Variants in PPP2R3C observed in about 807,000 individuals in gnomAD.
The protein encoded by PPP2R3C is protein phosphatase 2 regulatory subunit B''gamma.
A neutral mutation model predicts 63.7 loss-of-function variants in PPP2R3C; 47 were observed. That is an observed-to-expected ratio of 0.74 (90% CI 0.58 to 0.94). PPP2R3C has a LOEUF of 0.94. PPP2R3C is among the 40% of genes least tolerant of loss of function. The probability of loss-of-function intolerance (pLI) is 0.00; values close to 1 mark genes in which losing one functional copy is unlikely to be tolerated. For missense variants in PPP2R3C, 421 were observed against 518.4 expected, an observed-to-expected ratio of 0.81 and a Z score of 1.82; for synonymous variants, 180 against 177.4, an observed-to-expected ratio of 1.01 and a Z score of -0.12.
intron 12 of PPP2R3C, chr14:35,087,744 CAT>C: frequency 1.9e-6 from 1 of 527,040 alleles, no homozygotes; most frequent in Middle Eastern, 5.2e-4. Flanking sequence ...CCAATGAAAA[CAT>C]AATGATGACA....
At chr14:35,096,986 G>A (rs2046020199) in intron 7 of PPP2R3C, among the ~76,000 whole-genome samples, 1 of 152,190 alleles carries the variant, frequency 6.6e-6, no homozygotes, top group Admixed American at 6.5e-5. Context: ...AGCTGAGGCA[G>A]GTGGATCACC....
intron 6 of PPP2R3C, 53 bp downstream of exon 6, chr14:35,107,251 T>C: frequency 7.3e-7 from 1 of 1,361,624 alleles, no homozygotes; most frequent in Non-Finnish European, 1.0e-6. Context: ...AACTACAGTT[T>C]ACATTTTAGT....
intron 7 of PPP2R3C, among the ~76,000 whole-genome samples, chr14:35,098,342 GC>G (rs2046068956): frequency 1.6e-5 from 2 of 124,650 alleles, no homozygotes; most frequent in Admixed American, 1.8e-4. Context: ...ACTACGCCTG[GC>G]TAGTTTTTTT....
chr14:35,121,274 G>A (rs917458846), intron 1 of PPP2R3C, among the ~76,000 whole-genome samples: 4 of 152,102 alleles, frequency 2.6e-5, no homozygotes, highest in Non-Finnish European at 5.9e-5. Context: ...CTACTCCAGA[G>A]GCTGAGGCAG....
intron 1 of PPP2R3C, among the ~76,000 whole-genome samples, chr14:35,120,675 G>A (rs1346899640): frequency 6.6e-6 from 1 of 152,112 alleles, no homozygotes; most frequent in Admixed American, 6.6e-5. Context: ...GCCTGGGTGC[G>A]GCGGCTCACG....
At chr14:35,085,877 G>A in intron 12 of PPP2R3C, 99 bp from the exon 13 acceptor site, 1 of 961,850 alleles carries the variant, frequency 1.0e-6, no homozygotes, top group Non-Finnish European at 1.5e-6. Context: ...CTGAAGTACA[G>A]AGGAATAAAA....
chr14:35,116,653 T>C lies in PPP2R3C; in HGVS notation c.143A>G (p.Asn48Ser). The change falls in exon 2 of 13, where the codon AAC becomes AGC. Residue 48 changes from asparagine to serine, a missense_variant. Physicochemically the swap from Asn to Ser is conservative, Grantham distance 46. Transcript: ENST00000261475. ...YYSEWKGGRK[N>S]TNEFYKTIPR... Reference sequence around the variant, plus strand: ...AATGGTCTTATAGAATTCATTTGTGTTTTTTCTACCTCCTTTCCATTCGGA... The same window carrying C: ...AATGGTCTTATAGAATTCATTTGTGCTTTTTCTACCTCCTTTCCATTCGGA... 1 of 1,603,034 alleles carries C rather than the reference T, an allele frequency of 6.2e-7. No homozygotes were observed. The highest frequency in any genetic ancestry group is 1.1e-5 in the South Asian group (1 of 90,096).
At chr14:35,096,238 G>A (rs1271656891) in intron 9 of PPP2R3C, among the ~76,000 whole-genome samples, 1 of 151,706 alleles carries the variant, frequency 6.6e-6, no homozygotes, top group Non-Finnish European at 1.5e-5. Context: ...GGGGTGGTGG[G>A]GTGGGTGGGG....
chr14:35,092,759 G>A (rs2045864800), intron 10 of PPP2R3C, among the ~76,000 whole-genome samples: 1 of 152,124 alleles, frequency 6.6e-6, no homozygotes, highest in Non-Finnish European at 1.5e-5. Flanking sequence ...GAGCCACCGT[G>A]CCCAGTCTCA....
At chr14:35,096,677 G>C in intron 8 of PPP2R3C, 32 bp downstream of exon 8, 1 of 1,609,134 alleles carries the variant, frequency 6.2e-7, no homozygotes, top group Non-Finnish European at 8.5e-7. Context: ...CAACTGTCAA[G>C]TGATACAATT....
At chr14:35,105,779 G>A (rs971872922) in intron 6 of PPP2R3C, among the ~76,000 whole-genome samples, 3 of 152,026 alleles carry the variant, frequency 2.0e-5, no homozygotes, top group Non-Finnish European at 4.4e-5. Flanking sequence ...TCTATTGAGC[G>A]CAGAGTATAC....
intron 1 of PPP2R3C, among the ~76,000 whole-genome samples, chr14:35,119,391 T>C (rs534262430): frequency 9.2e-5 from 14 of 152,084 alleles, no homozygotes; most frequent in African/African-American, 3.4e-4. Context: ...GGCTGCAGTA[T>C]AGTGTCATGA....
chr14:35,121,842 C>G (rs907635236), intron 1 of PPP2R3C, 60 bp downstream of exon 1: 2 of 1,582,462 alleles, frequency 1.3e-6, no homozygotes, highest in Non-Finnish European at 1.7e-6. Context: ...CCCACCTCCC[C>G]CCTACCTCTA....
chr14:35,121,250 G>A (rs2046877644), intron 1 of PPP2R3C, among the ~76,000 whole-genome samples: 1 of 152,056 alleles, frequency 6.6e-6, no homozygotes, highest in South Asian at 2.1e-4. Flanking sequence ...GGTTGCGCGC[G>A]CTTATAGTTC....
upstream of PPP2R3C, chr14:35,122,021 C>T (rs983701915): frequency 6.3e-7 from 1 of 1,588,968 alleles, no homozygotes. Context: ...CCCCTACCAG[C>T]TCAGGCGTCA....
rs1205739636 is a variant in PPP2R3C at position 35,116,629 on chromosome 14, A to G, written c.167T>C (p.Ile56Thr). Residue 56 changes from isoleucine to threonine, a missense_variant, in exon 2 of 13, where the codon ATT becomes ACT. By Grantham distance (89) the Ile-to-Thr change is moderately conservative (BLOSUM62 -1). Transcript: ENST00000261475. Reference protein sequence around the residue: ...RKNTNEFYKTIPRFYYRLPAE... With the variant: ...RKNTNEFYKTTPRFYYRLPAE... ...ACTTACCCTATAATAAAACCGGGGA[A>G]TGGTCTTATAGAATTCATTTGTGTT... is the stretch of plus-strand genomic sequence containing the variant. 5 of 1,591,636 alleles carry G rather than the reference A, an allele frequency of 3.1e-6. No homozygotes were observed.
chr14:35,102,748 T>C (rs1415649643), intron 6 of PPP2R3C: 1 of 152,190 alleles, frequency 6.6e-6, no homozygotes, highest in African/African-American at 2.4e-5. Flanking sequence ...CTAAATATTT[T>C]GCTTATACTC....
intron 11 of PPP2R3C, among the ~76,000 whole-genome samples, chr14:35,089,285 T>G (rs1172509591): frequency 6.6e-6 from 1 of 152,074 alleles, no homozygotes; most frequent in Non-Finnish European, 1.5e-5. Context: ...AATTTTTTTG[T>G]AGAGATGGAG....
At chr14:35,111,511 C>T (rs2046559866) in intron 2 of PPP2R3C, among the ~76,000 whole-genome samples, 1 of 152,194 alleles carries the variant, frequency 6.6e-6, no homozygotes, top group African/African-American at 2.4e-5. Context: ...CTTTGTAAAA[C>T]TAATGAAAGG....
Sources: gnomAD v4.1 joint callset for allele counts (sites outside exome capture counted in the v4.1 genomes callset) on GRCh38, gnomAD v4.1.1 for gene constraint, MANE v1.5 for transcripts, NCBI Gene and HGNC (gene_info 2026-07-23, HGNC 2026-07-21) for gene names.